The following SNED1 variants were observed in gnomAD, a reference collection of about 807,000 sequenced individuals.
SNED1 encodes sushi, nidogen and EGF like domains 1.
Under a neutral mutation model 166.7 loss-of-function variants are expected in SNED1, and 81 were observed. The observed-to-expected ratio is 0.49, with a 90% confidence interval of 0.41 to 0.58. The LOEUF is 0.58. SNED1 is among the 20% of genes least tolerant of loss of function. The pLI is 0.00. For missense variants in SNED1, 1,604 were observed against 2,000.2 expected, an observed-to-expected ratio of 0.80 and a Z score of 3.78; for synonymous variants, 762 against 822.0, an observed-to-expected ratio of 0.93 and a Z score of 1.25.
chr2:241,040,856 C>G lies in SNED1; in HGVS notation c.1273+443C>G, dbSNP rs1480325911. 8.5e-6 allele frequency: 4 copies of G among 471,246 alleles called. No individual in the cohort carries two copies. In the East Asian group the frequency reaches 2.8e-4, roughly 33 times the overall value. The allele number at this position is 471,246 out of a possible 1,614,324, so 29.2% of individuals were successfully genotyped here. On this transcript the variant is annotated intron_variant, in intron 8 of 31. Coordinates refer to ENST00000310397, the MANE Select transcript of SNED1 (RefSeq NM_001080437.3). ...AAGAAAACTGACCTTTCACTATTTT[C>G]TATTCTATTTTGTGTTGTTTAACTG...
chr2:241,030,699 C>T (rs905451438), intron 2 of SNED1, 128 bp downstream of exon 2: 14 of 1,024,254 alleles, frequency 1.4e-5, no homozygotes, highest in African/African-American at 4.8e-5. Flanking sequence ...GAGGGGAACA[C>T]GTGGTCAAAA....
chr2:241,071,709 C>G lies in SNED1; in HGVS notation c.3723C>G (p.Thr1241=). The change falls in exon 25 of 32, where the codon ACC becomes ACG. Residue 1241 remains threonine, a synonymous_variant. Coordinates refer to ENST00000310397, the MANE Select transcript of SNED1 (RefSeq NM_001080437.3). The part of the protein sequence containing the change: ...LNDHSAPETP[T]QPPRFSELVD... ...ACCACAGCGCCCCCGAGACCCCCACCCAGCCCCCCAGGTACATGCCCCACC... is the reference window on the plus strand; with the variant it reads ...ACCACAGCGCCCCCGAGACCCCCACGCAGCCCCCCAGGTACATGCCCCACC... 6.8e-7 allele frequency: 1 copy of G among 1,478,362 alleles called. No homozygotes were observed. Among genetic ancestry groups the G allele is most frequent in the Non-Finnish European group, 9.1e-7 (1 of 1,097,184 alleles). The allele number at this position is 1,478,362 out of a possible 1,614,324, so 91.6% of individuals were successfully genotyped here.
intron 4 of SNED1, among the ~76,000 whole-genome samples, chr2:241,034,999 C>T (rs1183400402): frequency 8.6e-5 from 13 of 150,894 alleles, no homozygotes; most frequent in Non-Finnish European, 1.9e-4. Context: ...ATCCCGCACA[C>T]ACACTGCTGT....
chr2:241,003,535 G>C (rs1300474375), intron 1 of SNED1, among the ~76,000 whole-genome samples: 3 of 152,228 alleles, frequency 2.0e-5, no homozygotes, highest in Admixed American at 2.0e-4. Context: ...GACAGGGTGA[G>C]CCTTAGCCTG....
At chr2:241,007,271 G>A (rs2060246588) in intron 1 of SNED1, among the ~76,000 whole-genome samples, 2 of 152,212 alleles carry the variant, frequency 1.3e-5, no homozygotes, top group Non-Finnish European at 2.9e-5. Context: ...TGAAGCTAGA[G>A]CTTCTTGTCA....
chr2:241,072,064 T>C (rs1273763464), intron 26 of SNED1, 186 bp downstream of exon 26: 2 of 705,686 alleles, frequency 2.8e-6, no homozygotes, highest in East Asian at 5.4e-5. Flanking sequence ...TGCACCTCCA[T>C]GGCAGGAGGG....
chr2:241,081,185 A>G (rs940914460), intron 27 of SNED1, among the ~76,000 whole-genome samples: 7 of 152,220 alleles, frequency 4.6e-5, no homozygotes, highest in African/African-American at 1.7e-4. Flanking sequence ...AATCCTATCA[A>G]GCACCTCTCT....
chr2:241,023,157 A>G (rs12988346), intron 1 of SNED1, among the ~76,000 whole-genome samples: 54,185 of 151,664 alleles, frequency 0.36, 9,877 homozygotes, highest in Middle Eastern at 0.45. Context: ...ACTATATATG[A>G]GTTTGTTTAC....
intron 4 of SNED1, 107 bp downstream of exon 4, chr2:241,034,837 G>T: frequency 1.6e-6 from 2 of 1,254,464 alleles, no homozygotes; most frequent in Non-Finnish European, 2.2e-6. Context: ...GGGAGAGCAG[G>T]AGCACTTGGG....
chr2:241,054,914 C>T lies in SNED1; in HGVS notation c.2257+1588C>T, dbSNP rs573780211. ...GGTGGATCACCTGAGGTCAGGAGTTCGAGACCAGCCTGGCCAACATAGTGA... is the reference window on the plus strand; with the variant it reads ...GGTGGATCACCTGAGGTCAGGAGTTTGAGACCAGCCTGGCCAACATAGTGA... On this transcript the variant is annotated intron_variant, in intron 16 of 31. Transcript: ENST00000310397. Among the ~76,000 whole-genome samples the T allele has an allele frequency of 2.3e-4, 35 of 152,166 alleles. No homozygotes were observed. The South Asian group carries it at 3.1e-3, about 14-fold the overall frequency.
intron 1 of SNED1, among the ~76,000 whole-genome samples, chr2:241,002,748 T>C (rs1229618688): frequency 6.6e-6 from 1 of 151,986 alleles, no homozygotes; most frequent in Non-Finnish European, 1.5e-5. Context: ...GCCTTCAGAC[T>C]CCTGCGTCCA....
At chr2:241,063,924 T>C in intron 18 of SNED1, 88 bp from the exon 19 acceptor site, 1 of 1,040,798 alleles carries the variant, frequency 9.6e-7, no homozygotes, top group Non-Finnish European at 1.4e-6. Flanking sequence ...GCCCCTAGAC[T>C]CCTCCTTTCC....
chr2:241,040,455 G>C, intron 8 of SNED1, 42 bp downstream of exon 8: 1 of 1,334,734 alleles, frequency 7.5e-7, no homozygotes. Flanking sequence ...GCTGATGGTG[G>C]CTTTGTGCCG....
In SNED1 at chr2:240,999,857, G is replaced by A. The variant is rs1411072519; in HGVS notation, c.213+807G>A. Among the ~76,000 whole-genome samples the A allele has an allele frequency of 2.0e-5, 3 of 152,216 alleles. No individual in the cohort carries two copies. Among genetic ancestry groups the A allele is most frequent in the South Asian group, 2.1e-4 (1 of 4,822 alleles). On this transcript the variant is annotated intron_variant, in intron 1 of 31. Transcript: ENST00000310397. The surrounding 1 kb of genome is among the most constrained non-coding windows in gnomAD (Gnocchi z 5.8). ...GGAGCACTCGCCCTGAGTAGGCCACGGTGCACTGGTACCTGGTGGTTCCCT... is the reference window on the plus strand; with the variant it reads ...GGAGCACTCGCCCTGAGTAGGCCACAGTGCACTGGTACCTGGTGGTTCCCT...
intron 31 of SNED1, chr2:241,089,944 A>C: frequency 6.5e-7 from 1 of 1,540,550 alleles, no homozygotes; most frequent in East Asian, 2.5e-5. Flanking sequence ...GAAAACCTAC[A>C]GTAAAAATAG....
At chr2:241,052,240 G>A in intron 14 of SNED1, 83 bp downstream of exon 14, 1 of 1,459,500 alleles carries the variant, frequency 6.9e-7, no homozygotes, top group Non-Finnish European at 9.6e-7. Flanking sequence ...GGGCAGGGCT[G>A]GTCCAGGCCC....
At chr2:241,066,988 G>A (rs998089848) in intron 21 of SNED1, among the ~76,000 whole-genome samples, 11 of 152,346 alleles carry the variant, frequency 7.2e-5, no homozygotes, top group Admixed American at 7.2e-4. Context: ...GGGTGGCACT[G>A]AGCAGGTGTC....
intron 1 of SNED1, among the ~76,000 whole-genome samples, chr2:241,006,984 C>T (rs1023040463): frequency 6.6e-6 from 1 of 152,120 alleles, no homozygotes; most frequent in African/African-American, 2.4e-5. Context: ...ACAATTGGAG[C>T]ATTAAAACAA....
At position 241,048,301 on chromosome 2, in the gene SNED1, C is replaced by T. The variant is rs764236538; in HGVS notation, c.1274-14C>T. The T allele has an allele frequency of 1.8e-5, 29 of 1,586,596 alleles. No homozygotes were observed. Among genetic ancestry groups the T allele is most frequent in the Non-Finnish European group, 2.4e-5 (28 of 1,169,278 alleles). ...TCCCTGCGTGGCCGCTGGTGACTGC[C>T]GTCTTTCTTGCAGGAGACCATCCAG... On this transcript the variant is annotated splice_polypyrimidine_tract_variant and intron_variant, in intron 8 of 31. Coordinates refer to ENST00000310397, the MANE Select transcript of SNED1 (RefSeq NM_001080437.3).
Sources: gnomAD v4.1 joint callset for allele counts (sites outside exome capture counted in the v4.1 genomes callset) on GRCh38, gnomAD v4.1.1 for gene constraint, Gnocchi (gnomAD v3.1) non-coding constraint, MANE v1.5 for transcripts, NCBI Gene and HGNC (gene_info 2026-07-23, HGNC 2026-07-21) for gene names.